SLC9D1: variants seen among roughly 807,000 people sequenced by gnomAD.
SLC9D1 encodes solute carrier family 9 member D1.
the SLC9D1 span, among the ~76,000 whole-genome samples, chr13:113,520,072 A>G: frequency 6.6e-6 from 1 of 152,262 alleles, no homozygotes; most frequent in South Asian, 2.1e-4. Flanking sequence ...TTTTTCAATA[A>G]TTATATAAAT....
the SLC9D1 span, among the ~76,000 whole-genome samples, chr13:113,517,985 A>G: frequency 7.2e-5 from 11 of 152,146 alleles, no homozygotes; most frequent in African/African-American, 2.7e-4. Context: ...AAATTTAGCA[A>G]ATTCCTTAGT....
chr13:113,525,902 C>G, the SLC9D1 span, among the ~76,000 whole-genome samples: 7 of 150,060 alleles, frequency 4.7e-5, no homozygotes, highest in South Asian at 2.1e-4. Context: ...TATTCTAGAA[C>G]AAGCCGTCGT....
chr13:113,520,712 C>G, the SLC9D1 span: 3 of 1,613,180 alleles, frequency 1.9e-6, no homozygotes, highest in East Asian at 4.5e-5. Context: ...CTCATACAGG[C>G]GGGCGCCAGT....
chr13:113,544,764 A>C, the SLC9D1 span, among the ~76,000 whole-genome samples: 1 of 152,212 alleles, frequency 6.6e-6, no homozygotes, highest in Non-Finnish European at 1.5e-5. Context: ...GTTCTCACGC[A>C]TGTGGCCTCA....
chr13:113,540,585 T>A, the SLC9D1 span, among the ~76,000 whole-genome samples: 19 of 152,246 alleles, frequency 1.2e-4, no homozygotes, highest in Admixed American at 1.2e-3. Context: ...CTAATGGGGC[T>A]GCTTTTTGCT....
chr13:113,527,606 C>T, the SLC9D1 span: 2 of 152,156 alleles, frequency 1.3e-5, no homozygotes, highest in African/African-American at 4.8e-5. Flanking sequence ...GTTTTTTTCT[C>T]TGTCTTTAGT....
At chr13:113,500,277 C>A in the SLC9D1 span, 2 of 485,358 alleles carry the variant, frequency 4.1e-6, no homozygotes, top group Non-Finnish European at 6.9e-6. Flanking sequence ...GAATTCCGTA[C>A]ATTATCTGTG....
the SLC9D1 span, among the ~76,000 whole-genome samples, chr13:113,538,430 T>C: frequency 1.3e-5 from 2 of 152,258 alleles, no homozygotes; most frequent in African/African-American, 2.4e-5. Context: ...CTATTCGTGC[T>C]CTTTCCAAAT....
the SLC9D1 span, among the ~76,000 whole-genome samples, chr13:113,503,210 G>C: frequency 6.6e-6 from 1 of 152,122 alleles, no homozygotes; most frequent in South Asian, 2.1e-4. Flanking sequence ...CATACAACTG[G>C]ATGCTGTAAA....
chr13:113,501,053 GC>G, the SLC9D1 span, among the ~76,000 whole-genome samples: 1 of 152,012 alleles, frequency 6.6e-6, no homozygotes, highest in Admixed American at 6.6e-5. Flanking sequence ...CAGTGCCAGC[GC>G]CCACTAAAGA....
At chr13:113,496,087 A>C in the SLC9D1 span, 4 of 1,176,590 alleles carry the variant, frequency 3.4e-6, no homozygotes, top group Non-Finnish European at 4.8e-6. Flanking sequence ...AGAGAGAGGG[A>C]GAGTGCGTGC....
chr13:113,525,576 C>A, the SLC9D1 span, among the ~76,000 whole-genome samples: 1 of 130,148 alleles, frequency 7.7e-6, no homozygotes, highest in African/African-American at 2.5e-5. Flanking sequence ...GACGACAGCT[C>A]TGTGCCGGTT....
At chr13:113,500,083 C>T in the SLC9D1 span, 2 of 1,596,404 alleles carry the variant, frequency 1.3e-6, no homozygotes, top group Non-Finnish European at 8.5e-7. Flanking sequence ...ACTCCCAGAA[C>T]AACCAGTATA....
chr13:113,540,689 G>C, the SLC9D1 span, among the ~76,000 whole-genome samples: 43 of 152,336 alleles, frequency 2.8e-4, no homozygotes, highest in African/African-American at 8.7e-4. Flanking sequence ...TAGGCTGTCT[G>C]CCCTGCTGAG....
chr13:113,493,574 G>A, the SLC9D1 span, among the ~76,000 whole-genome samples: 2 of 149,740 alleles, frequency 1.3e-5, no homozygotes, highest in African/African-American at 2.4e-5. Flanking sequence ...TTGTACACGT[G>A]TACTTAAAGT....
chr13:113,492,713 C>T, the SLC9D1 span, among the ~76,000 whole-genome samples: 11 of 152,298 alleles, frequency 7.2e-5, no homozygotes, highest in East Asian at 1.2e-3. Context: ...GCCTGGCCAA[C>T]ATGGCAAAAC....
the SLC9D1 span, chr13:113,501,743 A>T: frequency 1.2e-6 from 2 of 1,603,946 alleles, no homozygotes; most frequent in African/African-American, 1.3e-5. Context: ...TATTTATTTT[A>T]TTCTTCAGGA....
the SLC9D1 span, chr13:113,510,166 C>A: frequency 1.5e-6 from 2 of 1,366,418 alleles, no homozygotes; most frequent in South Asian, 1.3e-5. Flanking sequence ...TGCAGAAATG[C>A]GTGAAGTCTG....
the SLC9D1 span, chr13:113,528,199 T>C: frequency 1.3e-5 from 2 of 150,524 alleles, no homozygotes; most frequent in Admixed American, 1.3e-4. Context: ...ATTCTTAATA[T>C]GATGAGCGAC....
Sources: allele counts gnomAD v4.1 joint callset (sites outside exome capture counted in the v4.1 genomes callset), GRCh38; gene constraint gnomAD v4.1.1; transcripts MANE v1.5; gene names NCBI Gene and HGNC (gene_info 2026-07-23, HGNC 2026-07-21).